The following NOP53 variants were observed in gnomAD, a reference collection of about 807,000 sequenced individuals.
The protein encoded by NOP53 is ribosome biogenesis protein NOP53.
NOP53 carries 40 observed loss-of-function variants against 61.0 expected under a neutral mutation model. That is an observed-to-expected ratio of 0.66 (90% confidence interval 0.51 to 0.85). NOP53 has a LOEUF of 0.85. Ranked by LOEUF, NOP53 falls within the 40% of genes least tolerant of loss-of-function variation. The pLI, the probability that NOP53 is intolerant of heterozygous loss-of-function variation, is 0.00. For missense variants in NOP53, 689 were observed against 652.9 expected, an observed-to-expected ratio of 1.06 and a Z score of -0.60; for synonymous variants, 308 against 289.5, an observed-to-expected ratio of 1.06 and a Z score of -0.65.
At chr19:47,755,160 G>T (rs1967174771) in intron 8 of NOP53, among the ~76,000 whole-genome samples, 188 bp from the exon 9 acceptor site, 1 of 152,166 alleles carries the variant, frequency 6.6e-6, no homozygotes, top group African/African-American at 2.4e-5. Context: ...GACCAGGGGA[G>T]ATGGATGACA....
chr19:47,755,385 G>A lies in NOP53; in HGVS notation c.1091G>A (p.Arg364Gln), dbSNP rs779018964. The A allele has an allele frequency of 3.1e-4, 474 of 1,525,744 alleles. No individual in the cohort carries two copies. Among genetic ancestry groups the A allele is most frequent in the Non-Finnish European group, 3.8e-4 (438 of 1,142,286 alleles). 94.5% of individuals were successfully genotyped at this position (1,525,744 alleles called of 1,614,324 possible). A position where few individuals can be genotyped will look rare whatever the true frequency, so the allele number is the denominator to read the frequency against. ...GCCGCGTTGCGGGCCGCCCGGCTCCGGCACCAGGAGCTGTTCCGGCTGCGC... is the reference window on the plus strand; with the variant it reads ...GCCGCGTTGCGGGCCGCCCGGCTCCAGCACCAGGAGCTGTTCCGGCTGCGC... ...QQAALRAARLRHQELFRLRGI... is the reference protein window; with the variant it reads ...QQAALRAARLQHQELFRLRGI... The change falls in exon 9 of 13, where the codon CGG becomes CAG. Residue 364 changes from arginine to glutamine, a missense_variant. By Grantham distance (43) the Arg-to-Gln change is conservative. Transcript: ENST00000246802.
intron 10 of NOP53, chr19:47,756,235 G>T: frequency 1.8e-6 from 1 of 543,036 alleles, no homozygotes. Context: ...GCTCATGAGC[G>T]GACTGTGCCT....
intron 12 of NOP53, 29 bp from the exon 13 acceptor site, chr19:47,756,970 C>T: frequency 6.2e-7 from 1 of 1,613,932 alleles, no homozygotes; most frequent in African/African-American, 1.3e-5. Context: ...CCCTCTCACC[C>T]ACCCTCAGCT....
intron 9 of NOP53, 78 bp downstream of exon 9, chr19:47,755,601 T>C: frequency 7.2e-7 from 1 of 1,397,360 alleles, no homozygotes; most frequent in Non-Finnish European, 9.6e-7. Context: ...CCTGCCTTTG[T>C]TCAGGAACTG....
chr19:47,755,899 A>C, intron 10 of NOP53, 77 bp downstream of exon 10: 1 of 1,231,668 alleles, frequency 8.1e-7, no homozygotes, highest in Non-Finnish European at 1.2e-6. Flanking sequence ...CCCAGGGGCT[A>C]TGGGCGACAC....
At position 47,754,395 on chromosome 19, in the gene NOP53, G is replaced by A. The variant is rs1353085169; in HGVS notation, c.766-132G>A. On this transcript the variant is annotated intron_variant, in intron 6 of 12. Coordinates refer to ENST00000246802, the MANE Select transcript of NOP53 (RefSeq NM_015710.5). The surrounding 1 kb of genome is among the most constrained non-coding windows in gnomAD (Gnocchi z 4.2). Reference sequence around the variant, plus strand: ...TGCAGGGTGGGTGTGCTGGTAGACGGGGTGTGGGGAGGAAAGCCTGGGCCG... The same window carrying A: ...TGCAGGGTGGGTGTGCTGGTAGACGAGGTGTGGGGAGGAAAGCCTGGGCCG... The A allele has an allele frequency of 2.8e-6, 2 of 704,478 alleles. No individual in the cohort carries two copies. The highest frequency in any genetic ancestry group is 5.0e-6 in the Non-Finnish European group (2 of 398,164). 43.6% of individuals were successfully genotyped at this position (704,478 alleles called of 1,614,324 possible). A position where few individuals can be genotyped will look rare whatever the true frequency, so the allele number is the denominator to read the frequency against.
intron 2 of NOP53, among the ~76,000 whole-genome samples, chr19:47,749,182 G>T (rs1051163299): frequency 2.0e-5 from 3 of 152,090 alleles, no homozygotes; most frequent in Admixed American, 2.0e-4. Context: ...AAAGTGGGGG[G>T]TTATTAGAGA....
chr19:47,754,287 AT>A lies in NOP53; in HGVS notation c.766-239del. On this transcript the variant is annotated intron_variant, in intron 6 of 12. Transcript: ENST00000246802. The surrounding 1 kb of genome is among the most constrained non-coding windows in gnomAD (Gnocchi z 4.2). ...ACAGAAACTCTATCTCAAAAAAAAA[AT>A]GTGAAGCGTGCAGGTCAGACTGCCT... 4.1e-6 allele frequency: 2 copies of A among 485,914 alleles called. No homozygotes were observed. Among genetic ancestry groups the A allele is most frequent in the East Asian group, 3.2e-5 (1 of 31,612 alleles). 30.1% of individuals were successfully genotyped at this position (485,914 alleles called of 1,614,324 possible).
chr19:47,756,902 G>C, intron 12 of NOP53, 97 bp from the exon 13 acceptor site: 1 of 1,561,958 alleles, frequency 6.4e-7, no homozygotes, highest in Admixed American at 1.7e-5. Context: ...GGGTTGGGAG[G>C]GTCCCCAAAG....
chr19:47,750,683 C>G (rs1967113316), intron 3 of NOP53, among the ~76,000 whole-genome samples: 1 of 152,034 alleles, frequency 6.6e-6, no homozygotes, highest in South Asian at 2.1e-4. Context: ...GGGGTATGTC[C>G]AGGACGGGGC....
chr19:47,755,233 A>G (rs1382358743), intron 8 of NOP53, 115 bp from the exon 9 acceptor site: 2 of 662,092 alleles, frequency 3.0e-6, no homozygotes, highest in East Asian at 6.5e-5. Flanking sequence ...TGACGGGGTT[A>G]GGAAGGGCCT....
At position 47,757,001 on chromosome 19, in the gene NOP53, T is replaced by C. The variant is rs1472558875; in HGVS notation, c.1433T>C (p.Leu478Ser). ...VEKRAFREIQ[L>S] ...CAGCTCCTTTCCTCTGTCCCCAGGT[T>C]GTAGCTGCCATCAGATGCCGGAGAC... Residue 478 changes from leucine (L) to serine (S), a missense_variant and splice_region_variant, in exon 13 of 13, where the codon TTG becomes TCG. By Grantham distance (145) the Leu-to-Ser change is moderately radical. Coordinates refer to ENST00000246802, the MANE Select transcript of NOP53 (RefSeq NM_015710.5). 1.9e-6 allele frequency: 3 copies of C among 1,613,968 alleles called. No homozygotes were observed. The highest frequency in any genetic ancestry group is 1.1e-5 in the South Asian group (1 of 91,090).
intron 9 of NOP53, 35 bp downstream of exon 9, chr19:47,755,558 G>A (rs1463342632): frequency 2.8e-5 from 41 of 1,459,286 alleles, no homozygotes; most frequent in Non-Finnish European, 3.3e-5. Context: ...GGAGAGGCTG[G>A]GGAGGGGGCC....
In NOP53 at chr19:47,746,957, T is replaced by G; in HGVS notation, c.225-10T>G. 1.2e-6 allele frequency: 2 copies of G among 1,611,620 alleles called. No homozygotes were observed. The highest frequency in any genetic ancestry group is 1.7e-6 in the Non-Finnish European group (2 of 1,177,782). ...ATCTCTGGCTGATGTTCTGCATTTC[T>G]GTCCCCCAGTGGCTTGTTGTCAGAG... On this transcript the variant is annotated splice_polypyrimidine_tract_variant and intron_variant, in intron 1 of 12. Transcript: ENST00000246802.
At chr19:47,752,854 G>T (rs1316676470) in intron 6 of NOP53, 2 of 497,384 alleles carry the variant, frequency 4.0e-6, no homozygotes, top group Non-Finnish European at 3.6e-6. Context: ...GGGAGGAGGG[G>T]TCGCCTGAGC....
In NOP53 at chr19:47,745,575, A is replaced by C. The variant is rs1025115901; in HGVS notation, c.16A>C (p.Ser6Arg). 3 of 1,613,704 alleles carry C rather than the reference A, an allele frequency of 1.9e-6. No homozygotes were observed. Among genetic ancestry groups the C allele is most frequent in the Admixed American group, 1.7e-5 (1 of 59,994 alleles). ...CTTTGACAAGATGGCGGCAGGAGGC[A>C]GTGGCGTTGGTGGGAAGCGCAGCTC... Reference protein sequence around the residue: MAAGGSGVGGKRSSKS... With the variant: MAAGGRGVGGKRSSKS... The change falls in exon 1 of 13, where the codon AGT (serine) becomes CGT (arginine). Residue 6 changes from serine (S) to arginine (R), a missense_variant. Ser to Arg is a moderately radical substitution (Grantham distance 110). Coordinates refer to ENST00000246802, the MANE Select transcript of NOP53 (RefSeq NM_015710.5).
chr19:47,747,362 C>T (rs548270531), intron 2 of NOP53, among the ~76,000 whole-genome samples: 1 of 152,158 alleles, frequency 6.6e-6, no homozygotes, highest in African/African-American at 2.4e-5. Context: ...CTCAGTCCTG[C>T]CGGTTGCGGT....
Position 47,745,549 on chromosome 19 carries a change from C to A in NOP53, c.-11C>A. On this transcript the variant is annotated 5_prime_UTR_variant, in exon 1 of 13. Transcript: ENST00000246802. ...TTGGGACGCCAGTGGCTGAGTTCTTCCTTTGACAAGATGGCGGCAGGAGGC... is the reference window on the plus strand; with the variant it reads ...TTGGGACGCCAGTGGCTGAGTTCTTACTTTGACAAGATGGCGGCAGGAGGC... 6.2e-7 allele frequency: 1 copy of A among 1,612,428 alleles called. No individual in the cohort carries two copies.
chr19:47,746,098 A>ATG (rs547973074), intron 1 of NOP53: 49 of 404,738 alleles, frequency 1.2e-4, no homozygotes, highest in Admixed American at 3.4e-4. Flanking sequence ...TTTTCTAAAT[A>ATG]TGTGTGTGTG....
Sources: allele counts gnomAD v4.1 joint callset (sites outside exome capture counted in the v4.1 genomes callset), GRCh38; gene constraint gnomAD v4.1.1; non-coding constraint Gnocchi (gnomAD v3.1); transcripts MANE v1.5; gene names NCBI Gene and HGNC (gene_info 2026-07-23, HGNC 2026-07-21).